STPG4: variants seen among roughly 807,000 people sequenced by gnomAD.
STPG4 encodes the protein protein STPG4.
STPG4 carries 41 observed loss-of-function variants against 31.5 expected under a neutral mutation model. The observed-to-expected ratio is 1.30, with a 90% CI of 1.01 to 1.69. STPG4 has a LOEUF of 1.69. STPG4 is among the 40% of genes most tolerant of loss of function. The pLI is 0.00. For missense variants in STPG4, 375 were observed against 293.4 expected (o/e 1.28, Z -2.03); for synonymous variants, 141 against 103.0 (o/e 1.37, Z -2.24).
chr2:47,114,361 G>C (rs975336139), intron 5 of STPG4, among the ~76,000 whole-genome samples: 1 of 151,916 alleles, frequency 6.6e-6, no homozygotes, highest in African/African-American at 2.4e-5. Context: ...AAAAAAATTA[G>C]CCAGGCATGG....
At chr2:47,142,078 C>T (rs531508999) in intron 3 of STPG4, among the ~76,000 whole-genome samples, 1 of 151,544 alleles carries the variant, frequency 6.6e-6, no homozygotes, top group Non-Finnish European at 1.5e-5. Context: ...GAGCATTCTG[C>T]AAATTAATCT....
chr2:47,155,141 G>T (rs765464309), intron 1 of STPG4, 30 bp downstream of exon 1: 2 of 1,605,012 alleles, frequency 1.2e-6, no homozygotes, highest in Non-Finnish European at 1.7e-6. Context: ...GGGAGCAGGA[G>T]CCAGGCCGGC....
chr2:47,108,122 G>T (rs1362640289), intron 5 of STPG4, among the ~76,000 whole-genome samples: 1 of 151,318 alleles, frequency 6.6e-6, no homozygotes, highest in African/African-American at 2.4e-5. Context: ...TAATCTAGTG[G>T]GGACTTAGAG....
At chr2:47,103,383 G>C (rs1157734516) in intron 5 of STPG4, among the ~76,000 whole-genome samples, 1 of 151,888 alleles carries the variant, frequency 6.6e-6, no homozygotes, top group Non-Finnish European at 1.5e-5. Flanking sequence ...GATATCAGGA[G>C]AAAGCTCCAA....
chr2:47,091,720 T>A (rs1244022125), intron 5 of STPG4, among the ~76,000 whole-genome samples: 1 of 152,182 alleles, frequency 6.6e-6, no homozygotes, highest in Admixed American at 6.5e-5. Flanking sequence ...TATTCTAAGT[T>A]GTATATGTTT....
intron 2 of STPG4, 84 bp from the exon 3 acceptor site, chr2:47,151,599 G>C (rs1352097272): frequency 9.2e-7 from 1 of 1,090,158 alleles, no homozygotes; most frequent in Non-Finnish European, 1.4e-6. Flanking sequence ...AAGCTCCCAA[G>C]TAACATCTCT....
chr2:47,104,966 C>G (rs184518470), intron 5 of STPG4, among the ~76,000 whole-genome samples: 1 of 152,014 alleles, frequency 6.6e-6, no homozygotes, highest in Non-Finnish European at 1.5e-5. Flanking sequence ...CTTGGAATTA[C>G]CAGCTTTTGC....
chr2:47,153,918 GC>G (rs1686981911), intron 1 of STPG4, among the ~76,000 whole-genome samples: 1 of 152,138 alleles, frequency 6.6e-6, no homozygotes, highest in Admixed American at 6.6e-5. Flanking sequence ...TTCCAAGGAA[GC>G]TTTTGTCTTC....
intron 5 of STPG4, among the ~76,000 whole-genome samples, chr2:47,102,712 A>C (rs1400496746): frequency 6.6e-6 from 1 of 151,060 alleles, no homozygotes; most frequent in East Asian, 1.9e-4. Context: ...AAGCAAAGAA[A>C]TCTCCAAAGG....
At chr2:47,100,788 G>A (rs973963581) in intron 5 of STPG4, among the ~76,000 whole-genome samples, 35 of 151,442 alleles carry the variant, frequency 2.3e-4, no homozygotes, top group South Asian at 8.4e-4. Context: ...CACTCACCAC[G>A]AAAGTCTGCA....
intron 5 of STPG4, among the ~76,000 whole-genome samples, chr2:47,110,463 G>A (rs577123177): frequency 4.0e-4 from 61 of 152,212 alleles, no homozygotes; most frequent in African/African-American, 1.2e-3. Context: ...GCCTGGTGGC[G>A]GGCACCTGTA....
chr2:47,103,637 G>C (rs1009024666), intron 5 of STPG4, among the ~76,000 whole-genome samples: 3 of 151,870 alleles, frequency 2.0e-5, no homozygotes, highest in African/African-American at 7.3e-5. Flanking sequence ...CTTTAAAAAA[G>C]ATTGTCCAAT....
chr2:47,137,588 C>T (rs1242391080), intron 3 of STPG4, among the ~76,000 whole-genome samples: 1 of 152,110 alleles, frequency 6.6e-6, no homozygotes, highest in African/African-American at 2.4e-5. Context: ...TGATAGAATT[C>T]ACCTGTGAAC....
chr2:47,092,608 G>A (rs1276139920), intron 5 of STPG4, among the ~76,000 whole-genome samples: 1 of 131,396 alleles, frequency 7.6e-6, no homozygotes, highest in Non-Finnish European at 1.7e-5. Flanking sequence ...AGAAGGGGAG[G>A]GGAGAGGAGG....
chr2:47,142,638 C>G (rs1361051028), intron 3 of STPG4, among the ~76,000 whole-genome samples: 1 of 151,988 alleles, frequency 6.6e-6, no homozygotes, highest in Non-Finnish European at 1.5e-5. Flanking sequence ...CTCTACTTTC[C>G]AAATGGAAAC....
intron 6 of STPG4, among the ~76,000 whole-genome samples, chr2:47,087,702 A>G (rs1685483651): frequency 6.6e-6 from 1 of 152,170 alleles, no homozygotes; most frequent in South Asian, 2.1e-4. Flanking sequence ...CTAATTTTTA[A>G]AAGTCATGTT....
intron 3 of STPG4, among the ~76,000 whole-genome samples, chr2:47,144,648 A>T (rs1425906652): frequency 6.6e-6 from 1 of 152,216 alleles, no homozygotes; most frequent in Non-Finnish European, 1.5e-5. Context: ...ATGCTAGGTT[A>T]TTTATTCGGG....
In STPG4 at chr2:47,151,351, A is replaced by G. The variant is rs1261090086; in HGVS notation, c.306T>C (p.Pro102=). 1.2e-5 allele frequency: 20 copies of G among 1,614,118 alleles called. No individual in the cohort carries two copies. Among genetic ancestry groups the G allele is most frequent in the Non-Finnish European group, 1.5e-5 (18 of 1,180,050 alleles). Residue 102 remains proline (P), a synonymous_variant, in exon 3 of 7, where the codon CCT becomes CCC. Coordinates refer to ENST00000445927, the MANE Select transcript of STPG4 (RefSeq NM_001163561.2). ...GCTTCTTTAACAGGTCCAGGAAGTC[A>G]GGAGGCATATACTGCGGAAGATCAT... is the stretch of plus-strand genomic sequence containing the variant. ...VLNDLPQYMP[P]DFLDLLKKQV... is the part of the protein sequence containing the mutation.
intron 5 of STPG4, among the ~76,000 whole-genome samples, chr2:47,107,141 C>T (rs895025429): frequency 6.6e-6 from 1 of 152,076 alleles, no homozygotes; most frequent in Non-Finnish European, 1.5e-5. Context: ...CTCTCTCTCG[C>T]TTTCAGCACC....
Sources: gnomAD v4.1 joint callset for allele counts (sites outside exome capture counted in the v4.1 genomes callset) on GRCh38, gnomAD v4.1.1 for gene constraint, MANE v1.5 for transcripts, NCBI Gene and HGNC (gene_info 2026-07-23, HGNC 2026-07-21) for gene names.